Variants in GPR37L1 observed in about 807,000 individuals in gnomAD.
GPR37L1 encodes the protein G protein-coupled receptor 37-like 1.
In GPR37L1, 18 loss-of-function variants were observed where a neutral mutation model predicts 18.0. The ratio of observed to expected loss-of-function variants is 1.00; its 90% CI spans 0.69 to 1.49. GPR37L1 has a LOEUF of 1.49. Ranked by LOEUF, GPR37L1 falls within the 40% of genes most tolerant of loss-of-function variation. The pLI is 0.00. For synonymous variants in GPR37L1, 256 were observed against 273.9 expected (o/e 0.93, Z 0.65); for missense variants, 558 against 615.1 (o/e 0.91, Z 0.98).
At position 202,128,850 on chromosome 1, in the gene GPR37L1, C is replaced by T; in HGVS notation, c.*294C>T. 1 of 322,838 alleles carries T rather than the reference C, an allele frequency of 3.1e-6. No homozygotes were observed. The highest frequency in any genetic ancestry group is 5.4e-5 in the East Asian group (1 of 18,606). The allele number at this position is 322,838 out of a possible 1,614,324, so 20.0% of individuals were successfully genotyped here. ...GGGAGCCAGAACTTTGCCTGCCCTC[C>T]CTTGGTTCCAGTCTCTCTTCTCTCT... is the stretch of plus-strand genomic sequence containing the variant. On this transcript the variant is annotated 3_prime_UTR_variant, in exon 2 of 2. Coordinates refer to ENST00000367282, the MANE Select transcript of GPR37L1 (RefSeq NM_004767.5).
chr1:202,126,404 G>A (rs1396676508), intron 1 of GPR37L1, among the ~76,000 whole-genome samples: 5 of 150,492 alleles, frequency 3.3e-5, no homozygotes, highest in South Asian at 2.1e-4. Context: ...TGAGACTCTC[G>A]GAAAAAAAAA....
chr1:202,128,251 G>T lies in GPR37L1; in HGVS notation c.1141G>T (p.Val381Leu). ...CTLPENVCNIVVAYLSTELTR... is the reference protein window; with the variant it reads ...CTLPENVCNILVAYLSTELTR... ...CCTCCCAGAGAACGTCTGCAACATC[G>T]TGGTGGCCTACCTCTCCACCGAGCT... Residue 381 changes from valine (V) to leucine (L), a missense_variant, in exon 2 of 2, where the codon GTG (valine) becomes TTG (leucine). Transcript: ENST00000367282. 1 of 1,613,930 alleles carries T rather than the reference G, an allele frequency of 6.2e-7. No homozygotes were observed. The highest frequency in any genetic ancestry group is 8.5e-7 in the Non-Finnish European group (1 of 1,180,016).
At chr1:202,124,922 T>C (rs1654617635) in intron 1 of GPR37L1, among the ~76,000 whole-genome samples, 1 of 152,026 alleles carries the variant, frequency 6.6e-6, no homozygotes. Flanking sequence ...TCCCAGCACT[T>C]TGGGAGGCCG....
At position 202,128,376 on chromosome 1, in the gene GPR37L1, G is replaced by T. The variant is rs202038749; in HGVS notation, c.1266G>T (p.Pro422=). 28 of 1,614,146 alleles carry T rather than the reference G, an allele frequency of 1.7e-5. No individual in the cohort carries two copies. In the South Asian group the frequency reaches 2.9e-4, roughly 16 times the overall value. The change falls in exon 2 of 2, where the codon CCG becomes CCT. Residue 422 remains proline, a synonymous_variant. Transcript: ENST00000367282. The stretch of plus-strand genomic sequence containing the variant: ...TGCTGCTCCTTTGCATCTGCAGGCC[G>T]CTGGGCCAGGCCTTCCTGGACTGCT... ...TPVLLLCICR[P]LGQAFLDCCC... is the part of the protein sequence containing the mutation.
chr1:202,127,493 T>C (rs966349975), intron 1 of GPR37L1, among the ~76,000 whole-genome samples: 11 of 152,162 alleles, frequency 7.2e-5, no homozygotes, highest in Non-Finnish European at 1.6e-4. Context: ...TTTTTGTATT[T>C]TTAGTAGAGA....
chr1:202,123,444 C>A lies in GPR37L1; in HGVS notation c.481C>A (p.Leu161Met). 1.2e-6 allele frequency: 2 copies of A among 1,614,112 alleles called. No homozygotes were observed. Among genetic ancestry groups the A allele is most frequent in the Non-Finnish European group, 1.7e-6 (2 of 1,179,992 alleles). ...GTGCATCGTGTGGCACAGCTACTAC[C>A]TGAAGAGTGCCTGGAACTCCATCCT... is the stretch of plus-strand genomic sequence containing the variant. ...VMCIVWHSYY[L>M]KSAWNSILAS... is the part of the protein sequence containing the mutation. Residue 161 changes from leucine (L) to methionine (M), a missense_variant, in exon 1 of 2, where the codon CTG (leucine) becomes ATG (methionine). Physicochemically the swap from Leu to Met is conservative, Grantham distance 15. Coordinates refer to ENST00000367282, the MANE Select transcript of GPR37L1 (RefSeq NM_004767.5).
chr1:202,130,504 C>T lies in GPR37L1; in HGVS notation c.*1948C>T, dbSNP rs562788135. 1 of 152,322 alleles carries T rather than the reference C, an allele frequency of 6.6e-6. No homozygotes were observed. Among genetic ancestry groups the T allele is most frequent in the Non-Finnish European group, 1.5e-5 (1 of 68,126 alleles). The allele number at this position is 152,322 out of a possible 1,614,324, so 9.4% of individuals were successfully genotyped here. On this transcript the variant is annotated 3_prime_UTR_variant, in exon 2 of 2. Coordinates refer to ENST00000367282, the MANE Select transcript of GPR37L1 (RefSeq NM_004767.5). ...CTCTCCCTGGCACCCACCCCCAGGG[C>T]GGGTGATGCCGCCAAGAGAGAGGGA...
intron 1 of GPR37L1, among the ~76,000 whole-genome samples, 177 bp downstream of exon 1, chr1:202,123,770 T>C (rs1182557926): frequency 1.3e-5 from 2 of 152,122 alleles, no homozygotes; most frequent in African/African-American, 4.8e-5. Context: ...TGGTTTCTGG[T>C]TGCTCTCAAG....
rs973969932 is a variant in GPR37L1 at position 202,123,562 on chromosome 1, A to T, written c.599A>T (p.Asp200Val). ...NEITKQRLLG[D>V]VSCRAVPFME... ...ATCACCAAGCAGAGGCTACTGGGTG[A>T]CGTTTCTTGTCGTGCCGTGCCCTTC... is the stretch of plus-strand genomic sequence containing the variant. The change falls in exon 1 of 2, where the codon GAC (aspartate) becomes GTC (valine). Residue 200 changes from aspartate to valine, a missense_variant. Physicochemically the swap from Asp to Val is radical, Grantham distance 152 (BLOSUM62 -3). Transcript: ENST00000367282. 1.2e-6 allele frequency: 2 copies of T among 1,601,436 alleles called. No homozygotes were observed. Among genetic ancestry groups the T allele is most frequent in the Non-Finnish European group, 1.7e-6 (2 of 1,173,880 alleles).
rs1654871298 is a variant in GPR37L1 at position 202,131,996 on chromosome 1, A to G, written c.*3440A>G. ...AGTCATTCTCCTACCTCGGGCTCCC[A>G]AAGTACTGGGATTACAGGCATGAGC... On this transcript the variant is annotated 3_prime_UTR_variant, in exon 2 of 2. Transcript: ENST00000367282. 6.6e-6 allele frequency: 1 copy of G among 152,246 alleles called. No individual in the cohort carries two copies. The highest frequency in any genetic ancestry group is 1.5e-5 in the Non-Finnish European group (1 of 68,046). 9.4% of individuals were successfully genotyped at this position (152,246 alleles called of 1,614,324 possible). A position where few individuals can be genotyped will look rare whatever the true frequency, so the allele number is the denominator to read the frequency against.
Position 202,128,846 on chromosome 1 carries a change from C to A in GPR37L1, c.*290C>A. 3.1e-6 allele frequency: 1 copy of A among 326,008 alleles called. No homozygotes were observed. The highest frequency in any genetic ancestry group is 5.6e-6 in the Non-Finnish European group (1 of 178,136). The allele number at this position is 326,008 out of a possible 1,614,324, so 20.2% of individuals were successfully genotyped here. A position where few individuals can be genotyped will look rare whatever the true frequency, so the allele number is the denominator to read the frequency against. ...AGCTGGGAGCCAGAACTTTGCCTGC[C>A]CTCCCTTGGTTCCAGTCTCTCTTCT... On this transcript the variant is annotated 3_prime_UTR_variant, in exon 2 of 2. Transcript: ENST00000367282.
chr1:202,126,325 T>G (rs893943214), intron 1 of GPR37L1, among the ~76,000 whole-genome samples: 1 of 151,934 alleles, frequency 6.6e-6, no homozygotes, highest in Non-Finnish European at 1.5e-5. Context: ...GGAGAATCAC[T>G]TGAACCCGGG....
chr1:202,123,003 A>G lies in GPR37L1; in HGVS notation c.40A>G (p.Ile14Val). ...GCCCCTGGCTGTCTCTCTTGCTGTG[A>G]TTTTGGCTGTGGGGCTAAGCAGGGT... is the stretch of plus-strand genomic sequence containing the variant. ...LWPLAVSLAV[I>V]LAVGLSRVSG... Residue 14 changes from isoleucine (I) to valine (V), a missense_variant, in exon 1 of 2, where the codon ATT becomes GTT. Transcript: ENST00000367282. The G allele has an allele frequency of 1.2e-6, 2 of 1,613,344 alleles. No homozygotes were observed. The highest frequency in any genetic ancestry group is 2.2e-5 in the South Asian group (2 of 91,050).
At chr1:202,127,376 G>A (rs539597835) in intron 1 of GPR37L1, among the ~76,000 whole-genome samples, 4 of 150,008 alleles carry the variant, frequency 2.7e-5, no homozygotes, top group African/African-American at 7.4e-5. Flanking sequence ...GTGCAGTGTC[G>A]TGATCTTGGC....
chr1:202,126,838 C>CGTGTGTGTGTGTCTGT (rs1553315420), intron 1 of GPR37L1, among the ~76,000 whole-genome samples: 2 of 146,352 alleles, frequency 1.4e-5, no homozygotes, highest in Admixed American at 1.4e-4. Context: ...CAGAAACGTG[C>CGTGTGTGTGTGTCTGT]GTGTGTGTGT....
In GPR37L1 at chr1:202,128,580, A is replaced by G; in HGVS notation, c.*24A>G. 8.1e-6 allele frequency: 5 copies of G among 615,598 alleles called. No individual in the cohort carries two copies. The highest frequency in any genetic ancestry group is 1.4e-5 in the Non-Finnish European group (5 of 357,084). 38.1% of individuals were successfully genotyped at this position (615,598 alleles called of 1,614,324 possible). On this transcript the variant is annotated 3_prime_UTR_variant, in exon 2 of 2. Coordinates refer to ENST00000367282, the MANE Select transcript of GPR37L1 (RefSeq NM_004767.5). ...GAGGCCCCAGTAGGGGTGGGGAGGGAGGGAGAGGCCGCCACCCCCGCCGGT... is the reference window on the plus strand; with the variant it reads ...GAGGCCCCAGTAGGGGTGGGGAGGGGGGGAGAGGCCGCCACCCCCGCCGGT...
Position 202,129,783 on chromosome 1 carries a change from C to T in GPR37L1, c.*1227C>T, listed in dbSNP as rs1558303208. On this transcript the variant is annotated 3_prime_UTR_variant, in exon 2 of 2. Coordinates refer to ENST00000367282, the MANE Select transcript of GPR37L1 (RefSeq NM_004767.5). ...CTAAACCCCATGCTCCTTGGGAAGT[C>T]AAAAGCCTGGAAAATATCTCCTCTG... 6.6e-6 allele frequency: 1 copy of T among 152,350 alleles called. No homozygotes were observed. The highest frequency in any genetic ancestry group is 1.5e-5 in the Non-Finnish European group (1 of 68,148). 9.4% of individuals were successfully genotyped at this position (152,350 alleles called of 1,614,324 possible).
chr1:202,124,456 G>A (rs542201808), intron 1 of GPR37L1, among the ~76,000 whole-genome samples: 1 of 152,326 alleles, frequency 6.6e-6, no homozygotes, highest in East Asian at 1.9e-4. Flanking sequence ...GGGTGTCAAA[G>A]GATATGTAGA....
In GPR37L1 at chr1:202,131,674, G is replaced by A. The variant is rs1654857327; in HGVS notation, c.*3118G>A. On this transcript the variant is annotated 3_prime_UTR_variant, in exon 2 of 2. Transcript: ENST00000367282. ...GCTGGCTTTGAACTCCTGGGCTCAAGCAGTCCTCCTGTCTCAGCCTCCTGA... is the reference window on the plus strand; with the variant it reads ...GCTGGCTTTGAACTCCTGGGCTCAAACAGTCCTCCTGTCTCAGCCTCCTGA... The A allele has an allele frequency of 6.6e-6, 1 of 152,038 alleles. No individual in the cohort carries two copies. 9.4% of individuals were successfully genotyped at this position (152,038 alleles called of 1,614,324 possible).
Sources: gnomAD v4.1 joint callset for allele counts (sites outside exome capture counted in the v4.1 genomes callset) on GRCh38, gnomAD v4.1.1 for gene constraint, MANE v1.5 for transcripts, NCBI Gene and HGNC (gene_info 2026-07-23, HGNC 2026-07-21) for gene names.